PKHD1: variants seen among roughly 807,000 people sequenced by gnomAD.
PKHD1 encodes fibrocystin.
PKHD1 carries 291 observed loss-of-function variants against 412.0 expected under a neutral mutation model. The observed-to-expected ratio is 0.71, with a 90% CI of 0.64 to 0.78. The LOEUF is 0.78. Among genes scored for constraint, PKHD1 ranks in the 30% least tolerant of loss-of-function variants. PKHD1 has a pLI of 0.00. For missense variants in PKHD1, 4,825 were observed against 4,950.7 expected (o/e 0.97, Z 0.76); for synonymous variants, 1,777 against 1,821.5 (o/e 0.98, Z 0.62).
chr6:52,009,896 A>C (rs1160525267), intron 35 of PKHD1, among the ~76,000 whole-genome samples: 2 of 152,010 alleles, frequency 1.3e-5, no homozygotes, highest in Admixed American at 1.3e-4. Context: ...AGATGAACCG[A>C]ATGGACCTGC....
chr6:51,885,544 T>C (rs865954666), intron 45 of PKHD1, among the ~76,000 whole-genome samples: 61 of 152,266 alleles, frequency 4.0e-4, no homozygotes, highest in African/African-American at 1.3e-3. Context: ...TAAGTAGAGA[T>C]GGAAAGAAGG....
intron 52 of PKHD1, among the ~76,000 whole-genome samples, chr6:51,824,635 T>C (rs973960724): frequency 2.7e-5 from 4 of 149,234 alleles, no homozygotes; most frequent in Admixed American, 6.7e-5. Flanking sequence ...AGGTCAAAAG[T>C]AGCTTAAAGA....
intron 63 of PKHD1, among the ~76,000 whole-genome samples, chr6:51,646,072 A>G (rs1770044131): frequency 6.6e-6 from 1 of 152,216 alleles, no homozygotes; most frequent in Non-Finnish European, 1.5e-5. Context: ...ACTTTTTCAG[A>G]CTGTTGTAAT....
rs113145285 is a variant in PKHD1, at chr6:52,038,971, T to C, written c.3098-3250A>G. On this transcript the variant is annotated intron_variant, in intron 27 of 66. Coordinates refer to ENST00000371117, the MANE Select transcript of PKHD1 (RefSeq NM_138694.4). ...GCAACTCACACAATGGGAGAAAATA[T>C]TTGCAAATTATTTATCTGATAAGTG... 3.5e-3 allele frequency among the ~76,000 whole-genome samples: 534 copies of C among 152,292 alleles called. 3 individuals carry two copies. The highest frequency in any genetic ancestry group is 0.012 in the African/African-American group (515 of 41,572).
chr6:51,974,953 A>G (rs1340644054), intron 35 of PKHD1, among the ~76,000 whole-genome samples: 1 of 152,218 alleles, frequency 6.6e-6, no homozygotes, highest in Non-Finnish European at 1.5e-5. Flanking sequence ...TCAGCAAGCC[A>G]AGGAGAGAGG....
chr6:51,873,326 C>A (rs1244064959), intron 46 of PKHD1, among the ~76,000 whole-genome samples: 1 of 152,168 alleles, frequency 6.6e-6, no homozygotes, highest in Non-Finnish European at 1.5e-5. Context: ...AGAAATTAAT[C>A]TATATCGATA....
intron 46 of PKHD1, among the ~76,000 whole-genome samples, chr6:51,871,313 T>TTTAGAAAA (rs1562505563): frequency 7.6e-6 from 1 of 130,882 alleles, no homozygotes. Flanking sequence ...CAAACTGCAT[T>TTTAGAAAA]ACATCTATCT....
rs554058363 is a variant in PKHD1, at chr6:51,744,070, T to C, written c.10156+315A>G. Among the ~76,000 whole-genome samples the C allele has an allele frequency of 3.9e-4, 59 of 152,344 alleles. 1 individual carries two copies. The highest frequency in any genetic ancestry group is 3.7e-4 in the Non-Finnish European group (25 of 68,026). ...GACCAGTATGAAACACTGAGCATGA[T>C]GGCTGCTTCAGGCCCAAGTGCCCAA... On this transcript the variant is annotated intron_variant, in intron 60 of 66. Transcript: ENST00000371117.
intron 60 of PKHD1, among the ~76,000 whole-genome samples, chr6:51,735,223 T>C (rs1205149863): frequency 6.6e-6 from 1 of 152,222 alleles, no homozygotes; most frequent in East Asian, 1.9e-4. Flanking sequence ...TTATGAACTC[T>C]GGCTTTGGAG....
chr6:52,074,899 CAG>C (rs923131114), intron 6 of PKHD1, among the ~76,000 whole-genome samples: 2 of 152,194 alleles, frequency 1.3e-5, no homozygotes, highest in African/African-American at 4.8e-5. Flanking sequence ...ATCCTTTCCC[CAG>C]AAGGTGGAAG....
intron 1 of PKHD1, among the ~76,000 whole-genome samples, chr6:52,086,330 T>C (rs1181755930): frequency 6.6e-6 from 1 of 151,888 alleles, no homozygotes. Flanking sequence ...AGACTGGTCT[T>C]GAACTCCTGG....
intron 36 of PKHD1, among the ~76,000 whole-genome samples, chr6:51,954,953 G>A (rs149630128): frequency 6.7e-4 from 102 of 152,134 alleles, no homozygotes; most frequent in African/African-American, 2.2e-3. Context: ...ATCCTTGCCC[G>A]GGATGCAGAA....
At chr6:51,812,130 T>C (rs954878739) in intron 52 of PKHD1, among the ~76,000 whole-genome samples, 4 of 152,170 alleles carry the variant, frequency 2.6e-5, no homozygotes, top group African/African-American at 7.2e-5. Context: ...GGTCCCTTTG[T>C]AGCTGTGGGA....
chr6:51,732,585 TACA>T (rs561266055), intron 60 of PKHD1, among the ~76,000 whole-genome samples: 73 of 152,274 alleles, frequency 4.8e-4, no homozygotes, highest in Admixed American at 9.8e-4. Flanking sequence ...AAATCAAAAT[TACA>T]ACGACATATC....
chr6:51,693,115 G>A (rs1778374196), intron 60 of PKHD1, among the ~76,000 whole-genome samples: 1 of 152,104 alleles, frequency 6.6e-6, no homozygotes, highest in South Asian at 2.1e-4. Flanking sequence ...CAACACATAT[G>A]TCCCCTGCAC....
intron 53 of PKHD1, among the ~76,000 whole-genome samples, chr6:51,784,184 G>A (rs1046077253): frequency 6.6e-6 from 1 of 152,136 alleles, no homozygotes; most frequent in African/African-American, 2.4e-5. Context: ...TGAGTAGCAC[G>A]GATCAGAAGG....
At chr6:51,720,937 G>A in intron 60 of PKHD1, 1 of 962,102 alleles carries the variant, frequency 1.0e-6, no homozygotes, top group Non-Finnish European at 1.2e-6. Context: ...GTTAATAAAT[G>A]AGTAAATGTC....
intron 27 of PKHD1, among the ~76,000 whole-genome samples, chr6:52,040,389 T>C (rs190019341): frequency 6.6e-6 from 1 of 152,140 alleles, no homozygotes; most frequent in East Asian, 1.9e-4. Flanking sequence ...GTCTGTCATA[T>C]CCTCCTAACC....
intron 52 of PKHD1, among the ~76,000 whole-genome samples, chr6:51,815,050 C>T (rs1765234678): frequency 6.6e-6 from 1 of 152,178 alleles, no homozygotes; most frequent in Admixed American, 6.5e-5. Flanking sequence ...AACGGCCACC[C>T]TCCATCCACC....
Sources: gnomAD v4.1 joint callset for allele counts (sites outside exome capture counted in the v4.1 genomes callset) on GRCh38, gnomAD v4.1.1 for gene constraint, MANE v1.5 for transcripts, NCBI Gene and HGNC (gene_info 2026-07-23, HGNC 2026-07-21) for gene names.